ADGRL2: variants seen among roughly 807,000 people sequenced by gnomAD.
The protein encoded by ADGRL2 is calcium-independent alpha-latrotoxin receptor 2.
In ADGRL2, 44 loss-of-function variants were observed where a neutral mutation model predicts 157.4. That is an observed-to-expected ratio of 0.28 (90% CI 0.22 to 0.36). The LOEUF (loss-of-function observed/expected upper bound fraction) is 0.36, where lower values mean the gene tolerates loss of function less well. Among genes scored for constraint, ADGRL2 ranks in the 10% least tolerant of loss-of-function variants. The probability of loss-of-function intolerance (pLI) is 1.00; values close to 1 mark genes in which losing one functional copy is unlikely to be tolerated. For synonymous variants in ADGRL2, 585 were observed against 624.7 expected, an observed-to-expected ratio of 0.94 and a Z score of 0.95; for missense variants, 1,510 against 1,768.9, an observed-to-expected ratio of 0.85 and a Z score of 2.63.
intron 1 of ADGRL2, chr1:81,735,176 AC>A (rs2084855537): frequency 6.9e-6 from 1 of 145,398 alleles, no homozygotes; most frequent in Non-Finnish European, 1.5e-5. Context: ...GTCAAGGGAA[AC>A]CAAGGATTGC....
At chr1:81,654,930 T>C (rs11579463) in intron 3 of ADGRL2, among the ~76,000 whole-genome samples, 19,966 of 152,196 alleles carry the variant, frequency 0.13, 1,429 homozygotes, top group South Asian at 0.25. Flanking sequence ...TCAATAAATG[T>C]TACTCTGCTC....
At chr1:81,850,763 T>C (rs1333713979) in intron 2 of ADGRL2, among the ~76,000 whole-genome samples, 2 of 151,832 alleles carry the variant, frequency 1.3e-5, no homozygotes, top group Non-Finnish European at 2.9e-5. Context: ...ACTGAGAAAA[T>C]ACATTTTTAT....
At chr1:81,483,913 A>C (rs1388535458) in intron 2 of ADGRL2, among the ~76,000 whole-genome samples, 2 of 152,192 alleles carry the variant, frequency 1.3e-5, no homozygotes, top group Non-Finnish European at 2.9e-5. Flanking sequence ...AGACTAAATC[A>C]AATCTTCAAA....
At chr1:81,581,869 T>TGCGC (rs58154937) in intron 3 of ADGRL2, among the ~76,000 whole-genome samples, 1,173 of 97,590 alleles carry the variant, frequency 0.012, 14 homozygotes, top group African/African-American at 0.053. Flanking sequence ...ACCACACACA[T>TGCGC]GCGCGCACAC....
At chr1:81,502,421 G>A (rs565307028) in intron 2 of ADGRL2, 35 of 1,614,052 alleles carry the variant, frequency 2.2e-5, no homozygotes, top group Non-Finnish European at 2.9e-5. Context: ...TGAACTGGAC[G>A]GTGATCCTGA....
At chr1:81,676,255 C>T (rs561346439) in intron 3 of ADGRL2, among the ~76,000 whole-genome samples, 11 of 151,788 alleles carry the variant, frequency 7.2e-5, no homozygotes, top group South Asian at 2.1e-4. Flanking sequence ...ATGATCTGCC[C>T]GCCTCGGCCT....
chr1:81,306,944 T>C (rs1459783558), intron 1 of ADGRL2, among the ~76,000 whole-genome samples: 1 of 152,220 alleles, frequency 6.6e-6, no homozygotes, highest in Non-Finnish European at 1.5e-5. Context: ...TTGAAATGTT[T>C]TTAACAACAG....
intron 1 of ADGRL2, among the ~76,000 whole-genome samples, chr1:81,716,686 G>A (rs989695414): frequency 6.6e-6 from 1 of 152,002 alleles, no homozygotes. Flanking sequence ...CAGTATCTAA[G>A]AACTAGATTA....
chr1:81,566,345 T>G (rs959234982), intron 2 of ADGRL2, among the ~76,000 whole-genome samples: 2 of 152,130 alleles, frequency 1.3e-5, no homozygotes, highest in Non-Finnish European at 2.9e-5. Flanking sequence ...AAACAAAACC[T>G]GAATCCAAAT....
intron 3 of ADGRL2, among the ~76,000 whole-genome samples, chr1:81,633,086 T>G (rs766469612): frequency 6.6e-6 from 1 of 152,232 alleles, no homozygotes; most frequent in Non-Finnish European, 1.5e-5. Flanking sequence ...ATTTGTTTGA[T>G]GGTTAGATAA....
At chr1:81,855,135 A>C (rs1557780591) in intron 2 of ADGRL2, among the ~76,000 whole-genome samples, 2 of 152,136 alleles carry the variant, frequency 1.3e-5, no homozygotes. Flanking sequence ...TGGAAAGTGC[A>C]TGCTTGTCTA....
At chr1:81,655,925 C>A (rs2082524468) in intron 3 of ADGRL2, among the ~76,000 whole-genome samples, 1 of 152,170 alleles carries the variant, frequency 6.6e-6, no homozygotes. Context: ...TGACTGTTTT[C>A]AGAGCCCCAG....
At chr1:81,361,130 A>G (rs2075971263) in intron 1 of ADGRL2, among the ~76,000 whole-genome samples, 1 of 151,904 alleles carries the variant, frequency 6.6e-6, no homozygotes, top group Non-Finnish European at 1.5e-5. Context: ...AACAAACCAC[A>G]ATGAATGTTT....
intron 1 of ADGRL2, among the ~76,000 whole-genome samples, chr1:81,707,916 A>G (rs1303813020): frequency 1.3e-5 from 2 of 152,136 alleles, no homozygotes; most frequent in Admixed American, 6.6e-5. Flanking sequence ...GTGTTATCCA[A>G]GAGTTCTGTA....
chr1:81,990,110 A>G (rs942910043), intron 23 of ADGRL2: 1 of 985,240 alleles, frequency 1.0e-6, no homozygotes, highest in Non-Finnish European at 1.2e-6. Flanking sequence ...GATTTGACCA[A>G]AATCAATTAA....
At chr1:81,676,935 C>G (rs767299388) in intron 3 of ADGRL2, among the ~76,000 whole-genome samples, 1 of 150,972 alleles carries the variant, frequency 6.6e-6, no homozygotes, top group African/African-American at 2.4e-5. Flanking sequence ...GTGATCTGCC[C>G]GCAGTGCTGA....
chr1:81,356,729 G>T (rs921089154), intron 1 of ADGRL2, among the ~76,000 whole-genome samples: 3 of 151,846 alleles, frequency 2.0e-5, no homozygotes, highest in African/African-American at 7.3e-5. Flanking sequence ...CGAGGTGGGT[G>T]GATCCCGAGG....
At chr1:81,946,340 CTTTTTTT>C (rs397861989) in intron 6 of ADGRL2, among the ~76,000 whole-genome samples, 1 of 128,612 alleles carries the variant, frequency 7.8e-6, no homozygotes, top group South Asian at 2.5e-4. Flanking sequence ...GTGCCTTAAT[CTTTTTTT>C]TTTTTTTTTT....
At chr1:81,464,019 C>A (rs560516729) in intron 2 of ADGRL2, among the ~76,000 whole-genome samples, 1 of 152,078 alleles carries the variant, frequency 6.6e-6, no homozygotes, top group East Asian at 1.9e-4. Flanking sequence ...CCTTCTAGTG[C>A]TCCTATATCC....
Sources: allele counts gnomAD v4.1 joint callset (sites outside exome capture counted in the v4.1 genomes callset), GRCh38; gene constraint gnomAD v4.1.1; transcripts MANE v1.5; gene names NCBI Gene and HGNC (gene_info 2026-07-23, HGNC 2026-07-21).